QTRT1: variants seen among roughly 807,000 people sequenced by gnomAD.
The protein encoded by QTRT1 is queuine tRNA-ribosyltransferase catalytic subunit 1.
Under a neutral mutation model 44.0 loss-of-function variants are expected in QTRT1, and 41 were observed. That is an observed-to-expected ratio of 0.93 (90% confidence interval 0.73 to 1.21). QTRT1 has a LOEUF of 1.21. Among genes scored for constraint, QTRT1 ranks in the 50% most tolerant of loss-of-function variants. The pLI is 0.00. For synonymous variants in QTRT1, 226 were observed against 237.1 expected, an observed-to-expected ratio of 0.95 and a Z score of 0.43; for missense variants, 542 against 575.8, an observed-to-expected ratio of 0.94 and a Z score of 0.60.
At position 10,707,385 on chromosome 19, in the gene QTRT1, G is replaced by C. The variant is rs750477254; in HGVS notation, c.530+5G>C. ...TGTGGAGGAGGCCATGTACAGGTGT[G>C]TATATGCTGTGTGCATGTGTGGGAT... is the stretch of plus-strand genomic sequence containing the variant. On this transcript the variant is annotated splice_donor_5th_base_variant and intron_variant, in intron 4 of 9. Coordinates refer to ENST00000250237, the MANE Select transcript of QTRT1 (RefSeq NM_031209.3). 1.5e-5 allele frequency: 25 copies of C among 1,613,706 alleles called. No individual in the cohort carries two copies. The highest frequency in any genetic ancestry group is 2.0e-5 in the Non-Finnish European group (24 of 1,179,740).
intron 5 of QTRT1, among the ~76,000 whole-genome samples, chr19:10,708,682 A>G (rs1320204571): frequency 6.6e-6 from 1 of 152,006 alleles, no homozygotes; most frequent in Non-Finnish European, 1.5e-5. Flanking sequence ...ATCTGCATGT[A>G]AACACCCTGT....
At chr19:10,707,642 G>A (rs772137888) in intron 5 of QTRT1, 27 bp downstream of exon 5, 4 of 1,542,918 alleles carry the variant, frequency 2.6e-6, no homozygotes, top group Non-Finnish European at 2.6e-6. Context: ...GCAGGCCCAG[G>A]GCTTGGCCAT....
At chr19:10,702,484 G>A (rs1317196862) in intron 3 of QTRT1, among the ~76,000 whole-genome samples, 1 of 152,118 alleles carries the variant, frequency 6.6e-6, no homozygotes, top group Non-Finnish European at 1.5e-5. Flanking sequence ...AGTAGCTTAA[G>A]TATTATTATT....
At chr19:10,703,597 G>C (rs1197538710) in intron 3 of QTRT1, among the ~76,000 whole-genome samples, 4 of 152,116 alleles carry the variant, frequency 2.6e-5, no homozygotes, top group Non-Finnish European at 5.9e-5. Flanking sequence ...ATGACTCACT[G>C]CAACAGCTGC....
At position 10,712,841 on chromosome 19, in the gene QTRT1, G is replaced by T; in HGVS notation, c.945G>T (p.Pro315=). Residue 315 remains proline (P), a synonymous_variant, in exon 8 of 10, where the codon CCG becomes CCT. Coordinates refer to ENST00000250237, the MANE Select transcript of QTRT1 (RefSeq NM_031209.3). This position sits in a 1 kb window ranked among gnomAD's most constrained non-coding sequence, Gnocchi z 5.6. ...VFEKDFGPID[P]ECTCPTCQKH... The stretch of plus-strand genomic sequence containing the variant: ...AGAAGGACTTCGGCCCCATAGACCC[G>T]GAGTGCACCTGCCCCACGTGCCAAA... 2 of 1,613,976 alleles carry T rather than the reference G, an allele frequency of 1.2e-6. No individual in the cohort carries two copies. The highest frequency in any genetic ancestry group is 1.7e-6 in the Non-Finnish European group (2 of 1,179,998).
chr19:10,710,466 G>C (rs559424217), intron 5 of QTRT1, among the ~76,000 whole-genome samples: 2 of 152,050 alleles, frequency 1.3e-5, no homozygotes, highest in African/African-American at 4.8e-5. Context: ...ACAGGCACCA[G>C]CCACCACGCC....
Position 10,713,288 on chromosome 19 carries a change from G to T in QTRT1, c.*18G>T, listed in dbSNP as rs918959411. 1 of 1,580,296 alleles carries T rather than the reference G, an allele frequency of 6.3e-7. No homozygotes were observed. On this transcript the variant is annotated 3_prime_UTR_variant, in exon 10 of 10. Transcript: ENST00000250237. This position sits in a 1 kb window ranked among gnomAD's most constrained non-coding sequence, Gnocchi z 4.3. ...TGGGCTGACCTGGCATTGGGAGAGGGAGGGAGGAAGGAAGGGAGGGAGGGG... is the reference window on the plus strand; with the variant it reads ...TGGGCTGACCTGGCATTGGGAGAGGTAGGGAGGAAGGAAGGGAGGGAGGGG...
chr19:10,706,054 C>T lies in QTRT1; in HGVS notation c.452-1248C>T, dbSNP rs1381975109. Among the ~76,000 whole-genome samples the T allele has an allele frequency of 2.7e-5, 4 of 150,710 alleles. No homozygotes were observed. The East Asian group carries it at 7.9e-4, about 30-fold the overall frequency. On this transcript the variant is annotated intron_variant, in intron 3 of 9. Transcript: ENST00000250237. ...TATTTTTAGCAGAGACAGGGTTTCA[C>T]TGTGTTCGCCAGGATGGTGTCAATC...
chr19:10,704,083 G>C (rs921733214), intron 3 of QTRT1, among the ~76,000 whole-genome samples: 1 of 152,056 alleles, frequency 6.6e-6, no homozygotes, highest in African/African-American at 2.4e-5. Context: ...CTGACCTCAA[G>C]CGATCTGCCC....
chr19:10,704,302 G>GT (rs1296587034), intron 3 of QTRT1, among the ~76,000 whole-genome samples: 3 of 152,116 alleles, frequency 2.0e-5, no homozygotes, highest in Admixed American at 6.6e-5. Flanking sequence ...TTGTTTGTTT[G>GT]TTTTTTCTGG....
intron 1 of QTRT1, 34 bp from the exon 2 acceptor site, chr19:10,701,914 TCA>T (rs1286452178): frequency 6.2e-7 from 1 of 1,612,254 alleles, no homozygotes; most frequent in Non-Finnish European, 8.5e-7. Context: ...AGGGACGCGG[TCA>T]CCCCTAACCT....
At chr19:10,710,114 G>A (rs2068731847) in intron 5 of QTRT1, among the ~76,000 whole-genome samples, 1 of 151,246 alleles carries the variant, frequency 6.6e-6, no homozygotes, top group Non-Finnish European at 1.5e-5. Context: ...GAGCCCAGGG[G>A]TTGGTGGCTG....
In QTRT1 at chr19:10,707,595, T is replaced by C; in HGVS notation, c.626T>C (p.Leu209Pro). The C allele has an allele frequency of 6.2e-7, 1 of 1,607,174 alleles. No homozygotes were observed. The highest frequency in any genetic ancestry group is 8.5e-7 in the Non-Finnish European group (1 of 1,176,906). Residue 209 changes from leucine to proline, a missense_variant, in exon 5 of 10, where the codon CTC becomes CCC. Physicochemically the swap from Leu to Pro is moderately conservative, Grantham distance 98. Transcript: ENST00000250237. ...AIIQGGLDAD[L>P]RATCLEEMTK... ...ATCCAGGGTGGGCTGGACGCAGATCTCCGGGCCACCTGCCTTGAAGGTAGA... is the reference window on the plus strand; with the variant it reads ...ATCCAGGGTGGGCTGGACGCAGATCCCCGGGCCACCTGCCTTGAAGGTAGA...
rs970377983 is a variant in QTRT1, at chr19:10,712,046, T to G, written c.647-115T>G. On this transcript the variant is annotated intron_variant, in intron 5 of 9. Transcript: ENST00000250237. This position sits in a 1 kb window ranked among gnomAD's most constrained non-coding sequence, Gnocchi z 5.6. ...CTGGCTCTGTCTGTCTGTCTCTGTC[T>G]GTTTCTCTGACTCTCTCCCTGAGCG... 40 of 1,320,154 alleles carry G rather than the reference T, an allele frequency of 3.0e-5. No individual in the cohort carries two copies. The African/African-American group carries it at 5.1e-4, about 17-fold the overall frequency. The allele number at this position is 1,320,154 out of a possible 1,614,324, so 81.8% of individuals were successfully genotyped here.
intron 3 of QTRT1, among the ~76,000 whole-genome samples, chr19:10,705,909 G>A (rs2068711655): frequency 8.2e-6 from 1 of 122,328 alleles, no homozygotes; most frequent in Non-Finnish European, 1.6e-5. Context: ...AGGCTGGAGT[G>A]TAGTGGTGCG....
chr19:10,704,342 G>A (rs2068702911), intron 3 of QTRT1, among the ~76,000 whole-genome samples: 2 of 152,026 alleles, frequency 1.3e-5, no homozygotes, highest in South Asian at 2.1e-4. Context: ...CTCCCAGGCT[G>A]GAGTGCGGTG....
Position 10,712,411 on chromosome 19 carries a change from T to C in QTRT1, c.785+112T>C, listed in dbSNP as rs2068743010. The stretch of plus-strand genomic sequence containing the variant: ...GGGGGAAACGGACACAGGTCTGATC[T>C]GAGGAGACTAGGAAGACATGGCTGT... On this transcript the variant is annotated intron_variant, in intron 6 of 9. Transcript: ENST00000250237. The surrounding 1 kb of genome is among the most constrained non-coding windows in gnomAD (Gnocchi z 5.6). 1 of 1,471,594 alleles carries C rather than the reference T, an allele frequency of 6.8e-7. No individual in the cohort carries two copies. The highest frequency in any genetic ancestry group is 9.4e-7 in the Non-Finnish European group (1 of 1,068,500). 91.2% of individuals were successfully genotyped at this position (1,471,594 alleles called of 1,614,324 possible).
chr19:10,709,797 C>T (rs1275266633), intron 5 of QTRT1, among the ~76,000 whole-genome samples: 2 of 151,314 alleles, frequency 1.3e-5, no homozygotes, highest in East Asian at 1.9e-4. Context: ...TGCAGTGAGC[C>T]GAGATTGTGC....
chr19:10,712,100 T>A lies in QTRT1; in HGVS notation c.647-61T>A. 6.2e-7 allele frequency: 1 copy of A among 1,604,024 alleles called. No homozygotes were observed. Among genetic ancestry groups the A allele is most frequent in the Non-Finnish European group, 8.5e-7 (1 of 1,177,474 alleles). ...CTGGAAGTCTGGGCAGGGTGTGTTC[T>A]GGGATTGAAGACCAGGCGCATTTCC... On this transcript the variant is annotated intron_variant, in intron 5 of 9. Coordinates refer to ENST00000250237, the MANE Select transcript of QTRT1 (RefSeq NM_031209.3). The surrounding 1 kb of genome is among the most constrained non-coding windows in gnomAD (Gnocchi z 5.6).
Sources: gnomAD v4.1 joint callset for allele counts (sites outside exome capture counted in the v4.1 genomes callset) on GRCh38, gnomAD v4.1.1 for gene constraint, Gnocchi (gnomAD v3.1) non-coding constraint, MANE v1.5 for transcripts, NCBI Gene and HGNC (gene_info 2026-07-23, HGNC 2026-07-21) for gene names.